The following DLG2 variants were observed in gnomAD, a reference collection of about 807,000 sequenced individuals.
DLG2 encodes discs large MAGUK scaffold protein 2.
DLG2 carries 45 observed loss-of-function variants against 132.5 expected under a neutral mutation model. The ratio of observed to expected loss-of-function variants is 0.34; its 90% CI spans 0.27 to 0.44. The LOEUF (loss-of-function observed/expected upper bound fraction) is 0.44, where lower values mean the gene tolerates loss of function less well. Ranked by LOEUF, DLG2 falls within the 20% of genes least tolerant of loss-of-function variation. The pLI is 1.00. For synonymous variants in DLG2, 424 were observed against 419.6 expected (o/e 1.01, Z -0.13); for missense variants, 1,045 against 1,196.9 (o/e 0.87, Z 1.87).
chr11:83,699,956 C>A (rs923201503), intron 18 of DLG2, among the ~76,000 whole-genome samples: 1 of 151,310 alleles, frequency 6.6e-6, no homozygotes, highest in Non-Finnish European at 1.5e-5. Context: ...CACACACACA[C>A]ACACACACAA....
intron 11 of DLG2, among the ~76,000 whole-genome samples, chr11:83,982,013 T>C (rs949805773): frequency 5.9e-5 from 9 of 152,200 alleles, no homozygotes; most frequent in African/African-American, 1.9e-4. Flanking sequence ...AGTGACATCA[T>C]AGTCATTGTA....
intron 15 of DLG2, among the ~76,000 whole-genome samples, chr11:83,883,665 T>A (rs2066930794): frequency 6.6e-6 from 1 of 152,190 alleles, no homozygotes; most frequent in Admixed American, 6.5e-5. Context: ...AATATAGTGT[T>A]TTAACACAGC....
intron 8 of DLG2, among the ~76,000 whole-genome samples, chr11:84,207,669 T>C (rs906777459): frequency 6.6e-6 from 1 of 152,194 alleles, no homozygotes; most frequent in Admixed American, 6.5e-5. Context: ...TATGTAATAG[T>C]TAAAACTATA....
chr11:84,434,390 G>T (rs773600950), intron 7 of DLG2, among the ~76,000 whole-genome samples: 7 of 152,096 alleles, frequency 4.6e-5, no homozygotes, highest in Non-Finnish European at 1.0e-4. Flanking sequence ...CAGATTAGTG[G>T]ATCTAGAAGA....
At chr11:85,305,883 CTTAG>C (rs2079909359) in intron 3 of DLG2, among the ~76,000 whole-genome samples, 1 of 152,142 alleles carries the variant, frequency 6.6e-6, no homozygotes, top group African/African-American at 2.4e-5. Context: ...ATGTGCAGCA[CTTAG>C]TATATATCTA....
At chr11:85,155,464 G>C (rs2077527063) in intron 4 of DLG2, among the ~76,000 whole-genome samples, 1 of 152,162 alleles carries the variant, frequency 6.6e-6, no homozygotes, top group South Asian at 2.1e-4. Flanking sequence ...TAGTGTTCTG[G>C]AAGAGGAAGG....
chr11:83,679,277 T>C (rs2078315022), intron 18 of DLG2, among the ~76,000 whole-genome samples: 1 of 152,180 alleles, frequency 6.6e-6, no homozygotes, highest in African/African-American at 2.4e-5. Flanking sequence ...TGTCAAACCA[T>C]TAGCACAGTG....
At position 84,005,822 on chromosome 11, in the gene DLG2, C is replaced by T. The variant is rs960604006; in HGVS notation, c.920-25180G>A. ...CTATTATTAAAAAGACAAAAAATAACGGACGCTGACAAGGACATGGAGACA... is the reference window on the plus strand; with the variant it reads ...CTATTATTAAAAAGACAAAAAATAATGGACGCTGACAAGGACATGGAGACA... On this transcript the variant is annotated intron_variant, in intron 11 of 27. Transcript: ENST00000376104. Among the ~76,000 whole-genome samples the T allele has an allele frequency of 7.9e-5, 12 of 151,654 alleles. No homozygotes were observed. The South Asian group carries it at 1.5e-3, about 18-fold the overall frequency.
intron 3 of DLG2, among the ~76,000 whole-genome samples, chr11:85,379,944 T>A (rs2085738789): frequency 6.6e-6 from 1 of 152,234 alleles, no homozygotes; most frequent in Non-Finnish European, 1.5e-5. Flanking sequence ...TTACAAGCCT[T>A]ATCACTTACA....
chr11:83,808,737 A>G (rs1415839551), intron 17 of DLG2, among the ~76,000 whole-genome samples: 1 of 152,078 alleles, frequency 6.6e-6, no homozygotes, highest in Non-Finnish European at 1.5e-5. Flanking sequence ...TACCACCTGG[A>G]AAAGTTGCCA....
chr11:83,937,666 G>T (rs1440920372), intron 14 of DLG2, among the ~76,000 whole-genome samples: 1 of 151,904 alleles, frequency 6.6e-6, no homozygotes, highest in African/African-American at 2.4e-5. Context: ...AAAAAACAAA[G>T]ACAATTAGTA....
At chr11:84,573,088 TTAATAAG>T (rs2099489667) in intron 6 of DLG2, among the ~76,000 whole-genome samples, 1 of 152,162 alleles carries the variant, frequency 6.6e-6, no homozygotes, top group South Asian at 2.1e-4. Flanking sequence ...ATGGTTGTTG[TTAATAAG>T]CCACTGGATT....
intron 17 of DLG2, among the ~76,000 whole-genome samples, chr11:83,791,801 G>C (rs539172159): frequency 6.6e-6 from 1 of 152,300 alleles, no homozygotes; most frequent in East Asian, 1.9e-4. Context: ...CCTCTCCCAG[G>C]ACCGGCGTGA....
chr11:84,339,477 AT>A (rs941489207), intron 7 of DLG2, among the ~76,000 whole-genome samples: 1 of 152,004 alleles, frequency 6.6e-6, no homozygotes, highest in East Asian at 1.9e-4. Flanking sequence ...TTGTTCATCT[AT>A]TTTTTCTCTT....
intron 6 of DLG2, among the ~76,000 whole-genome samples, chr11:84,893,217 G>A (rs923826725): frequency 1.4e-4 from 22 of 152,266 alleles, no homozygotes; most frequent in Non-Finnish European, 1.6e-4. Context: ...TGAGGAGCTT[G>A]TAGGATCAAG....
chr11:84,501,355 A>C (rs1241419062), intron 7 of DLG2, among the ~76,000 whole-genome samples: 1 of 152,224 alleles, frequency 6.6e-6, no homozygotes, highest in Admixed American at 6.5e-5. Flanking sequence ...ACCTGAGGTC[A>C]GTAGTTCGAG....
chr11:84,145,613 T>A (rs1052996871), intron 9 of DLG2, among the ~76,000 whole-genome samples: 6 of 152,138 alleles, frequency 3.9e-5, no homozygotes, highest in African/African-American at 1.4e-4. Flanking sequence ...GATGGGGTAA[T>A]ATTGTAACAA....
chr11:83,824,142 G>C (rs984814906), intron 17 of DLG2, among the ~76,000 whole-genome samples: 4 of 152,132 alleles, frequency 2.6e-5, no homozygotes, highest in African/African-American at 9.7e-5. Flanking sequence ...AAAATGCTTT[G>C]TGCTGAGCAT....
At chr11:85,182,472 T>TA (rs1220338724) in intron 4 of DLG2, among the ~76,000 whole-genome samples, 1 of 151,936 alleles carries the variant, frequency 6.6e-6, no homozygotes, top group Admixed American at 6.6e-5. Flanking sequence ...TTGAACCACT[T>TA]ACATTATAAT....
Sources: allele counts gnomAD v4.1 joint callset (sites outside exome capture counted in the v4.1 genomes callset), GRCh38; gene constraint gnomAD v4.1.1; transcripts MANE v1.5; gene names NCBI Gene and HGNC (gene_info 2026-07-23, HGNC 2026-07-21).